LRRC4C: variants seen among roughly 807,000 people sequenced by gnomAD.
LRRC4C encodes leucine-rich repeat-containing protein 4C.
Under a neutral mutation model 33.6 loss-of-function variants are expected in LRRC4C, and 5 were observed. That is an observed-to-expected ratio of 0.15 (90% CI 0.08 to 0.31). The LOEUF is 0.31. LRRC4C is among the 10% of genes least tolerant of loss of function. The pLI, the probability that LRRC4C is intolerant of heterozygous loss-of-function variation, is 1.00. For missense variants in LRRC4C, 560 were observed against 796.7 expected, an observed-to-expected ratio of 0.70 and a Z score of 3.58; for synonymous variants, 329 against 302.0, an observed-to-expected ratio of 1.09 and a Z score of -0.93.
chr11:40,426,590 A>G (rs1199259607), intron 3 of LRRC4C, among the ~76,000 whole-genome samples: 1 of 152,124 alleles, frequency 6.6e-6, no homozygotes, highest in Non-Finnish European at 1.5e-5. Flanking sequence ...CTTAGCATTT[A>G]TCAGCCTCTG....
chr11:41,129,157 G>A (rs1942893247), intron 1 of LRRC4C, among the ~76,000 whole-genome samples: 1 of 151,856 alleles, frequency 6.6e-6, no homozygotes, highest in Admixed American at 6.6e-5. Context: ...GATATAATCA[G>A]ATAAAATGAA....
chr11:41,341,147 A>AGGCTGTGATTGCGTCTGCCTCTC (rs1285599599), intron 1 of LRRC4C, among the ~76,000 whole-genome samples: 54 of 151,660 alleles, frequency 3.6e-4, no homozygotes, highest in Non-Finnish European at 8.8e-5. Flanking sequence ...TCTAGGTATG[A>AGGCTGTGATTGCGTCTGCCTCTC]AAGTAATAGT....
intron 2 of LRRC4C, among the ~76,000 whole-genome samples, chr11:40,803,760 AC>A (rs1951138630): frequency 6.6e-6 from 1 of 152,130 alleles, no homozygotes; most frequent in African/African-American, 2.4e-5. Context: ...GGCGTGAGCC[AC>A]CACGCCCGGC....
chr11:41,259,034 A>G (rs1948890937), intron 1 of LRRC4C, among the ~76,000 whole-genome samples: 1 of 152,098 alleles, frequency 6.6e-6, no homozygotes, highest in Non-Finnish European at 1.5e-5. Flanking sequence ...TTTGCTTGCT[A>G]AAAAGCATCC....
At chr11:40,617,028 C>G (rs899865135) in intron 3 of LRRC4C, among the ~76,000 whole-genome samples, 4 of 151,690 alleles carry the variant, frequency 2.6e-5, no homozygotes, top group Non-Finnish European at 5.9e-5. Flanking sequence ...CCACTTCACT[C>G]ATTTTTAAGT....
chr11:40,133,201 A>G (rs1856762201), intron 6 of LRRC4C, among the ~76,000 whole-genome samples: 1 of 152,208 alleles, frequency 6.6e-6, no homozygotes, highest in Non-Finnish European at 1.5e-5. Flanking sequence ...CTCTGTGCTA[A>G]GGTCACCAAT....
At chr11:40,491,947 A>G (rs1481766591) in intron 3 of LRRC4C, among the ~76,000 whole-genome samples, 1 of 152,176 alleles carries the variant, frequency 6.6e-6, no homozygotes, top group Non-Finnish European at 1.5e-5. Flanking sequence ...ACAAGTTTTA[A>G]TAATTCAGAG....
intron 4 of LRRC4C, among the ~76,000 whole-genome samples, chr11:40,287,445 C>A (rs191398640): frequency 6.6e-6 from 1 of 152,038 alleles, no homozygotes; most frequent in East Asian, 1.9e-4. Flanking sequence ...GTTTCTCAGA[C>A]GAAGTTCATT....
At chr11:40,170,778 C>T (rs1205998752) in intron 5 of LRRC4C, among the ~76,000 whole-genome samples, 1 of 152,186 alleles carries the variant, frequency 6.6e-6, no homozygotes, top group East Asian at 1.9e-4. Flanking sequence ...CTCAGGCTTA[C>T]CTCATCCTTC....
At chr11:41,279,428 A>ACCCCCCCCCC (rs1555134481) in intron 1 of LRRC4C, among the ~76,000 whole-genome samples, 1 of 140,888 alleles carries the variant, frequency 7.1e-6, no homozygotes, top group Non-Finnish European at 1.5e-5. Context: ...ACACACACAC[A>ACCCCCCCCCC]CCGTGGCAAT....
intron 5 of LRRC4C, among the ~76,000 whole-genome samples, chr11:40,240,334 T>A (rs1430199810): frequency 6.6e-6 from 1 of 152,206 alleles, no homozygotes; most frequent in East Asian, 1.9e-4. Flanking sequence ...TACATGTCAC[T>A]TATGTAAATA....
intron 3 of LRRC4C, among the ~76,000 whole-genome samples, chr11:40,501,108 C>A (rs567462757): frequency 1.4e-5 from 2 of 146,926 alleles, no homozygotes; most frequent in African/African-American, 5.1e-5. Flanking sequence ...CCTTTGATTT[C>A]ATGTCTCGAA....
At chr11:41,423,357 C>T (rs1954935490) in intron 1 of LRRC4C, among the ~76,000 whole-genome samples, 1 of 152,012 alleles carries the variant, frequency 6.6e-6, no homozygotes, top group Non-Finnish European at 1.5e-5. Context: ...GAACTTTATT[C>T]TGTGGATCAC....
At chr11:40,933,224 T>C (rs953519674) in intron 2 of LRRC4C, among the ~76,000 whole-genome samples, 5 of 152,164 alleles carry the variant, frequency 3.3e-5, no homozygotes, top group Non-Finnish European at 7.3e-5. Context: ...ACTTGCAATG[T>C]TTTACTAGAA....
intron 2 of LRRC4C, among the ~76,000 whole-genome samples, chr11:40,680,082 G>A (rs906373569): frequency 6.6e-6 from 1 of 152,168 alleles, no homozygotes; most frequent in Non-Finnish European, 1.5e-5. Context: ...TTTATGAGAC[G>A]TGGAATCAAA....
chr11:41,059,528 T>C (rs947395243), intron 1 of LRRC4C, among the ~76,000 whole-genome samples: 11 of 152,168 alleles, frequency 7.2e-5, no homozygotes, highest in African/African-American at 2.7e-4. Flanking sequence ...TGACATTTTG[T>C]GTCTTTTTAT....
chr11:41,312,801 C>T (rs74734859), intron 1 of LRRC4C, among the ~76,000 whole-genome samples: 1,643 of 152,224 alleles, frequency 0.011, 30 homozygotes, highest in African/African-American at 0.036. Context: ...GAAGGGAAAA[C>T]GCCTGGTTTC....
chr11:40,414,798 AGAG>A (rs530564821), intron 3 of LRRC4C, among the ~76,000 whole-genome samples: 154 of 152,242 alleles, frequency 1.0e-3, no homozygotes, highest in African/African-American at 3.6e-3. Context: ...CACAACCAGA[AGAG>A]GAGAAGAAGG....
chr11:40,719,760 T>G (rs950507518), intron 2 of LRRC4C, among the ~76,000 whole-genome samples: 2 of 152,180 alleles, frequency 1.3e-5, no homozygotes, highest in Non-Finnish European at 2.9e-5. Flanking sequence ...ATTATCACCC[T>G]TTAAACCACA....
Sources: allele counts gnomAD v4.1 joint callset (sites outside exome capture counted in the v4.1 genomes callset), GRCh38; gene constraint gnomAD v4.1.1; transcripts MANE v1.5; gene names NCBI Gene and HGNC (gene_info 2026-07-23, HGNC 2026-07-21).